Variants in ALPL observed in about 807,000 individuals in gnomAD.
ALPL encodes the protein alkaline phosphatase, tissue-nonspecific isozyme.
A neutral mutation model predicts 51.3 loss-of-function variants in ALPL; 42 were observed. The observed-to-expected ratio is 0.82, with a 90% CI of 0.64 to 1.06. The LOEUF is 1.06. ALPL is among the 50% of genes least tolerant of loss of function. ALPL has a pLI of 0.00. For synonymous variants in ALPL, 279 were observed against 296.4 expected (o/e 0.94, Z 0.60); for missense variants, 589 against 709.4 (o/e 0.83, Z 1.93).
intron 1 of ALPL, among the ~76,000 whole-genome samples, chr1:21,550,857 G>T (rs1173770921): frequency 6.6e-6 from 1 of 152,210 alleles, no homozygotes; most frequent in Non-Finnish European, 1.5e-5. Flanking sequence ...GTGAGGAGCT[G>T]TGGATCATCC....
rs1354296827 is a variant in ALPL, at chr1:21,511,522, T to G, written c.-105+2005T>G. ...GAAAATGCAATGCGGAGACTGGAAGTTGGGTTATGTGCCTACCCTGCCTCT... is the reference window on the plus strand; with the variant it reads ...GAAAATGCAATGCGGAGACTGGAAGGTGGGTTATGTGCCTACCCTGCCTCT... On this transcript the variant is annotated intron_variant, in intron 1 of 11. Coordinates refer to ENST00000374840, the MANE Select transcript of ALPL (RefSeq NM_000478.6). 3.3e-5 allele frequency among the ~76,000 whole-genome samples: 5 copies of G among 152,308 alleles called. No individual in the cohort carries two copies. In the East Asian group the frequency reaches 9.6e-4, roughly 29 times the overall value.
At chr1:21,569,828 C>T (rs1302896629) in intron 7 of ALPL, among the ~76,000 whole-genome samples, 3 of 152,190 alleles carry the variant, frequency 2.0e-5, no homozygotes, top group Non-Finnish European at 4.4e-5. Flanking sequence ...TATCTCCCCT[C>T]CCAGATGGGG....
chr1:21,515,376 C>T (rs897808671), intron 1 of ALPL, among the ~76,000 whole-genome samples: 3 of 152,090 alleles, frequency 2.0e-5, no homozygotes, highest in South Asian at 2.1e-4. Flanking sequence ...CAAGTGCACC[C>T]TTTAAAAAGA....
intron 1 of ALPL, among the ~76,000 whole-genome samples, chr1:21,517,417 T>G (rs900219814): frequency 6.6e-6 from 1 of 152,194 alleles, no homozygotes; most frequent in African/African-American, 2.4e-5. Flanking sequence ...TGGATTCAAA[T>G]TTGCATGTTT....
chr1:21,525,169 G>A (rs1019622805), intron 1 of ALPL, among the ~76,000 whole-genome samples: 7 of 152,228 alleles, frequency 4.6e-5, no homozygotes, highest in Admixed American at 3.9e-4. Flanking sequence ...TGGAGGAAAC[G>A]GATGCTTTCC....
Position 21,560,803 on chromosome 1 carries a change from G to T in ALPL, c.181+58G>T, listed in dbSNP as rs140557742. The T allele has an allele frequency of 2.3e-4, 364 of 1,606,574 alleles. 2 individuals carry two copies. The Middle Eastern group carries it at 2.3e-3, about 10-fold the overall frequency. On this transcript the variant is annotated intron_variant, in intron 3 of 11. Transcript: ENST00000374840. ...CAGGACACCTAGCTAGGAGCCCCGG[G>T]AGCCAGGCTGAGTTGAAGGGGGCTG...
At chr1:21,534,119 G>C (rs1178483118) in intron 1 of ALPL, among the ~76,000 whole-genome samples, 2 of 152,074 alleles carry the variant, frequency 1.3e-5, no homozygotes, top group African/African-American at 2.4e-5. Flanking sequence ...TGAGTGGCTG[G>C]GCCTACAGGT....
At chr1:21,548,898 T>A (rs1438708262) in intron 1 of ALPL, among the ~76,000 whole-genome samples, 5 of 152,210 alleles carry the variant, frequency 3.3e-5, no homozygotes, top group African/African-American at 1.2e-4. Flanking sequence ...ATACACTGCG[T>A]TTGATTCTTT....
intron 2 of ALPL, among the ~76,000 whole-genome samples, chr1:21,558,100 T>C (rs1334848254): frequency 6.6e-6 from 1 of 152,242 alleles, no homozygotes; most frequent in Admixed American, 6.5e-5. Context: ...CCAGAGCCAT[T>C]GTTGCTTAAA....
intron 1 of ALPL, among the ~76,000 whole-genome samples, chr1:21,546,855 T>A (rs1570238253): frequency 6.6e-6 from 1 of 152,236 alleles, no homozygotes; most frequent in East Asian, 1.9e-4. Flanking sequence ...TTCGTCTTCT[T>A]CTGAGCATGG....
intron 1 of ALPL, among the ~76,000 whole-genome samples, chr1:21,534,983 T>C (rs1644079005): frequency 6.6e-6 from 1 of 152,192 alleles, no homozygotes; most frequent in Non-Finnish European, 1.5e-5. Flanking sequence ...CACCTGGCGT[T>C]CTATTGCTTT....
intron 1 of ALPL, among the ~76,000 whole-genome samples, chr1:21,538,195 G>T (rs781125513): frequency 6.6e-6 from 1 of 152,150 alleles, no homozygotes; most frequent in Non-Finnish European, 1.5e-5. Flanking sequence ...CCCATTTGAC[G>T]GGTGAGGTGG....
At chr1:21,515,185 A>T (rs2148055173) in intron 1 of ALPL, among the ~76,000 whole-genome samples, 1 of 152,282 alleles carries the variant, frequency 6.6e-6, no homozygotes, top group Non-Finnish European at 1.5e-5. Flanking sequence ...TATGTTCTTT[A>T]AAAAAGTTTT....
chr1:21,564,102 C>G lies in ALPL; in HGVS notation c.534C>G (p.Tyr178Ter), dbSNP rs201250289. Residue 178 changes from tyrosine (Y) to a stop codon, truncating the protein, a stop_gained, in exon 6 of 12, where the codon TAC becomes TAG. Coordinates refer to ENST00000374840, the MANE Select transcript of ALPL (RefSeq NM_000478.6). LOFTEE classifies it high-confidence loss of function. The surrounding 1 kb of genome is among the most constrained non-coding windows in gnomAD (Gnocchi z 5.8). ...RVNHATPSAA[Y>*]AHSADRDWYS... ...ACCATGCCACCCCCAGCGCCGCCTACGCCCACTCGGCTGACCGGGACTGGT... is the reference window on the plus strand; with the variant it reads ...ACCATGCCACCCCCAGCGCCGCCTAGGCCCACTCGGCTGACCGGGACTGGT... The G allele has an allele frequency of 6.2e-7, 1 of 1,613,962 alleles. No homozygotes were observed. The highest frequency in any genetic ancestry group is 1.3e-5 in the African/African-American group (1 of 74,942).
chr1:21,573,148 T>C (rs1446005010), intron 8 of ALPL, among the ~76,000 whole-genome samples: 2 of 152,060 alleles, frequency 1.3e-5, no homozygotes, highest in East Asian at 1.9e-4. Flanking sequence ...ATGAAAGGAA[T>C]TGGGGCTGGG....
rs2148051920 is a variant in ALPL, at chr1:21,513,252, A to G, written c.-105+3735A>G. On this transcript the variant is annotated intron_variant, in intron 1 of 11. Transcript: ENST00000374840. ...GAAGAGGCTTGCCCAGGGTCACACA[A>G]TTGCTTAGGGCAGAGTGGACTGGGA... 2.0e-5 allele frequency among the ~76,000 whole-genome samples: 3 copies of G among 152,212 alleles called. No homozygotes were observed. In the Middle Eastern group the frequency reaches 0.01, roughly 518 times the overall value.
chr1:21,570,524 G>C, intron 8 of ALPL, 150 bp downstream of exon 8: 1 of 778,640 alleles, frequency 1.3e-6, no homozygotes, highest in Non-Finnish European at 2.1e-6. Flanking sequence ...GGCAAGGAAG[G>C]GGGTTCTGGT....
At position 21,576,562 on chromosome 1, in the gene ALPL, C is replaced by T; in HGVS notation, c.1230C>T (p.Phe410=). ...PMLSDTDKKP[F]TAILYGNGPG... Reference sequence around the variant, plus strand: ...TGAGTGACACAGACAAGAAGCCCTTCACTGCCATCCTGTATGGCAATGGGC... The same window carrying T: ...TGAGTGACACAGACAAGAAGCCCTTTACTGCCATCCTGTATGGCAATGGGC... Residue 410 remains phenylalanine, a synonymous_variant, in exon 11 of 12, where the codon TTC becomes TTT. Transcript: ENST00000374840. 1 of 1,614,038 alleles carries T rather than the reference C, an allele frequency of 6.2e-7. No individual in the cohort carries two copies. Among genetic ancestry groups the T allele is most frequent in the Middle Eastern group, 1.6e-4 (1 of 6,062 alleles).
chr1:21,536,126 A>G (rs1462621270), intron 1 of ALPL, among the ~76,000 whole-genome samples: 1 of 152,246 alleles, frequency 6.6e-6, no homozygotes, highest in Non-Finnish European at 1.5e-5. Flanking sequence ...TTCAATGGAC[A>G]ACAACCTGTC....
Sources: allele counts gnomAD v4.1 joint callset (sites outside exome capture counted in the v4.1 genomes callset), GRCh38; gene constraint gnomAD v4.1.1; non-coding constraint Gnocchi (gnomAD v3.1); transcripts MANE v1.5; gene names NCBI Gene and HGNC (gene_info 2026-07-23, HGNC 2026-07-21).